LARP1B: variants seen among roughly 807,000 people sequenced by gnomAD.
LARP1B encodes the protein La ribonucleoprotein 1B.
Under a neutral mutation model 114.2 loss-of-function variants are expected in LARP1B, and 76 were observed. The observed-to-expected ratio is 0.67, with a 90% CI of 0.55 to 0.81. The LOEUF (loss-of-function observed/expected upper bound fraction) is 0.81, where lower values mean the gene tolerates loss of function less well. LARP1B is among the 30% of genes least tolerant of loss of function. LARP1B has a pLI of 0.00. For synonymous variants in LARP1B, 345 were observed against 348.0 expected, an observed-to-expected ratio of 0.99 and a Z score of 0.10; for missense variants, 1,014 against 1,075.8, an observed-to-expected ratio of 0.94 and a Z score of 0.80.
intron 4 of LARP1B, among the ~76,000 whole-genome samples, chr4:128,081,507 C>T (rs1156926691): frequency 2.7e-5 from 4 of 150,764 alleles, no homozygotes; most frequent in African/African-American, 7.3e-5. Flanking sequence ...GTTTCTTCTA[C>T]GAAATGACAG....
chr4:128,066,337 C>T (rs1245188997), intron 1 of LARP1B, among the ~76,000 whole-genome samples: 1 of 151,416 alleles, frequency 6.6e-6, no homozygotes, highest in Non-Finnish European at 1.5e-5. Flanking sequence ...CCACCATGCC[C>T]GGCTGATTTT....
At position 128,091,109 on chromosome 4, in the gene LARP1B, G is replaced by C; in HGVS notation, c.467G>C (p.Gly156Ala). Residue 156 changes from glycine to alanine, a missense_variant, in exon 6 of 20, where the codon GGA (glycine) becomes GCA (alanine). By Grantham distance (60) the Gly-to-Ala change is moderately conservative. Coordinates refer to ENST00000326639, the MANE Select transcript of LARP1B (RefSeq NM_018078.4). Reference sequence around the variant, plus strand: ...TTTAGAGGTCGAGGAAGAGGCCGAGGACGGGGAAGAGGACGAGGCAGAGGA... The same window carrying C: ...TTTAGAGGTCGAGGAAGAGGCCGAGCACGGGGAAGAGGACGAGGCAGAGGA... ...GSFRGRGRGR[G>A]RGRGRGRGNP... 6.2e-7 allele frequency: 1 copy of C among 1,613,860 alleles called. No individual in the cohort carries two copies. The highest frequency in any genetic ancestry group is 1.7e-4 in the Middle Eastern group (1 of 6,046).
chr4:128,203,652 G>A (rs949929855), intron 17 of LARP1B, among the ~76,000 whole-genome samples: 1 of 152,132 alleles, frequency 6.6e-6, no homozygotes. Context: ...AGGATTACAG[G>A]TGTGAGCCAC....
chr4:128,062,456 G>A lies in LARP1B; in HGVS notation c.-78+1055G>A, dbSNP rs565498449. On this transcript the variant is annotated intron_variant, in intron 1 of 19. Transcript: ENST00000326639. ...GACCTCAGGTTCTCCTTGCCTGATG[G>A]GGGCACGGAGGTGGTAGCTTGGCGG... 2.0e-4 allele frequency among the ~76,000 whole-genome samples: 30 copies of A among 152,324 alleles called. No homozygotes were observed. In the East Asian group the frequency reaches 5.8e-3, roughly 29 times the overall value.
At chr4:128,066,914 C>CA (rs1763179897) in intron 1 of LARP1B, among the ~76,000 whole-genome samples, 1 of 151,678 alleles carries the variant, frequency 6.6e-6, no homozygotes, top group African/African-American at 2.4e-5. Flanking sequence ...TCTCCTGCCT[C>CA]AGTCTCCTGA....
chr4:128,135,098 A>AAAATAAAT (rs71304333), intron 11 of LARP1B, among the ~76,000 whole-genome samples: 3,504 of 141,532 alleles, frequency 0.025, 70 homozygotes, highest in East Asian at 0.079. Flanking sequence ...ACTTCATCTC[A>AAAATAAAT]AAATAAATAA....
intron 11 of LARP1B, among the ~76,000 whole-genome samples, chr4:128,137,789 ATATTT>A (rs773689168): frequency 7.7e-6 from 1 of 129,926 alleles, no homozygotes; most frequent in Non-Finnish European, 1.6e-5. Context: ...ATATATATAT[ATATTT>A]TTTTTTTAGG....
At chr4:128,068,865 A>T in intron 1 of LARP1B, 1 of 397,508 alleles carries the variant, frequency 2.5e-6, no homozygotes. Context: ...TATTCTCTTC[A>T]AGCATTATTG....
intron 11 of LARP1B, among the ~76,000 whole-genome samples, chr4:128,130,630 T>C (rs539206922): frequency 6.6e-6 from 1 of 152,324 alleles, no homozygotes; most frequent in African/African-American, 2.4e-5. Context: ...AGTTTGACAA[T>C]TTCGTATAAA....
intron 4 of LARP1B, among the ~76,000 whole-genome samples, chr4:128,078,794 T>G (rs1769023271): frequency 6.6e-6 from 1 of 152,122 alleles, no homozygotes; most frequent in African/African-American, 2.4e-5. Context: ...TTCGTAAAAG[T>G]GTCTTCAGGC....
intron 9 of LARP1B, among the ~76,000 whole-genome samples, chr4:128,114,113 A>C (rs186266010): frequency 6.6e-6 from 1 of 152,324 alleles, no homozygotes; most frequent in East Asian, 1.9e-4. Flanking sequence ...GAAAAGTAGG[A>C]GTAATAATGG....
chr4:128,132,530 G>A (rs1185286141), intron 11 of LARP1B, among the ~76,000 whole-genome samples: 3 of 152,114 alleles, frequency 2.0e-5, no homozygotes, highest in African/African-American at 7.2e-5. Context: ...ACAGGGGTGA[G>A]CCACTGTGCC....
At chr4:128,099,386 C>G (rs1223894486) in intron 8 of LARP1B, among the ~76,000 whole-genome samples, 1 of 150,640 alleles carries the variant, frequency 6.6e-6, no homozygotes. Flanking sequence ...CTCCCAGGTT[C>G]AAGGATTTTC....
At chr4:128,153,493 A>G (rs1733906852) in intron 11 of LARP1B, among the ~76,000 whole-genome samples, 2 of 151,806 alleles carry the variant, frequency 1.3e-5, no homozygotes, top group South Asian at 4.2e-4. Context: ...TTTAGTAGAG[A>G]TGGGGTTTCA....
At chr4:128,138,615 A>ATC (rs1392175775) in intron 11 of LARP1B, among the ~76,000 whole-genome samples, 1 of 152,180 alleles carries the variant, frequency 6.6e-6, no homozygotes, top group Non-Finnish European at 1.5e-5. Flanking sequence ...TACATAAGAA[A>ATC]TTAGAATTCA....
At position 128,098,205 on chromosome 4, in the gene LARP1B, G is replaced by C. The variant is rs890330131; in HGVS notation, c.688G>C (p.Glu230Gln). 1.4e-5 allele frequency: 23 copies of C among 1,610,940 alleles called. No homozygotes were observed. The highest frequency in any genetic ancestry group is 3.3e-5 in the Admixed American group (2 of 59,976). The change falls in exon 8 of 20, where the codon GAA becomes CAA. Residue 230 changes from glutamate to glutamine, a missense_variant. Transcript: ENST00000326639. ...KRQIEYYFSVENLERDFFLRG... is the reference protein window; with the variant it reads ...KRQIEYYFSVQNLERDFFLRG... ...TTTCAGTGAATATTACTTCAGTGTA[G>C]AAAATTTGGAACGAGACTTCTTTCT...
At chr4:128,212,138 C>T (rs551838342), downstream of LARP1B, 5 of 151,810 alleles carry the variant, frequency 3.3e-5, no homozygotes, top group Admixed American at 1.3e-4. Flanking sequence ...ATCTTGAACT[C>T]CTGGTCTCAA....
chr4:128,155,753 G>A (rs1735286434), intron 11 of LARP1B: 3 of 1,607,554 alleles, frequency 1.9e-6, no homozygotes, highest in Admixed American at 1.7e-5. Flanking sequence ...GCGGCCAAGT[G>A]TAGGAACTGG....
chr4:128,083,620 T>G lies in LARP1B; in HGVS notation c.358+1315T>G, dbSNP rs1395865122. ...AGACGGGGCGGCTGGCCGGGCGGGG[T>G]GCTGACCCCCCCACCTCCCTCCCGG... On this transcript the variant is annotated intron_variant, in intron 5 of 19. Coordinates refer to ENST00000326639, the MANE Select transcript of LARP1B (RefSeq NM_018078.4). Among the ~76,000 whole-genome samples, 401 of 77,070 alleles carry G rather than the reference T, an allele frequency of 5.2e-3. 10 individuals carry two copies. The highest frequency in any genetic ancestry group is 8.4e-3 in the Admixed American group (58 of 6,876). The allele number at this position is 77,070 out of a possible 152,430, so 50.6% of individuals were successfully genotyped here.
Sources: gnomAD v4.1 joint callset for allele counts (sites outside exome capture counted in the v4.1 genomes callset) on GRCh38, gnomAD v4.1.1 for gene constraint, MANE v1.5 for transcripts, NCBI Gene and HGNC (gene_info 2026-07-23, HGNC 2026-07-21) for gene names.